The following KCNN3 variants were observed in gnomAD, a reference collection of about 807,000 sequenced individuals.
KCNN3 encodes the protein small conductance calcium-activated potassium channel protein 3.
In KCNN3, 16 loss-of-function variants were observed where a neutral mutation model predicts 62.9. That is an observed-to-expected ratio of 0.25 (90% confidence interval 0.17 to 0.39). KCNN3 has a LOEUF of 0.39. KCNN3 is among the 10% of genes least tolerant of loss of function. The pLI, the probability that KCNN3 is intolerant of heterozygous loss-of-function variation, is 1.00. For synonymous variants in KCNN3, 370 were observed against 389.2 expected (o/e 0.95, Z 0.58); for missense variants, 599 against 949.4 (o/e 0.63, Z 4.85).
chr1:154,795,927 GC>G (rs1408284811), intron 2 of KCNN3, among the ~76,000 whole-genome samples: 2 of 152,166 alleles, frequency 1.3e-5, no homozygotes, highest in South Asian at 2.1e-4. Context: ...GGCTCTATCT[GC>G]CCCCCTGGGG....
At chr1:154,795,651 T>G (rs539528956) in intron 2 of KCNN3, among the ~76,000 whole-genome samples, 146 of 152,078 alleles carry the variant, frequency 9.6e-4, no homozygotes, top group Non-Finnish European at 1.6e-3. Flanking sequence ...ATATAAGAGG[T>G]GCAGCAAGAG....
intron 7 of KCNN3, among the ~76,000 whole-genome samples, chr1:154,708,581 C>T (rs1213477876): frequency 6.6e-6 from 1 of 151,596 alleles, no homozygotes; most frequent in African/African-American, 2.4e-5. Flanking sequence ...CTCATGTTCT[C>T]ACAGGGCCAC....
chr1:154,868,276 CAGG>C (rs980522824), intron 1 of KCNN3: 137 of 985,586 alleles, frequency 1.4e-4, no homozygotes, highest in Non-Finnish European at 1.6e-4. Context: ...CCATTTTTAT[CAGG>C]AGATGTTTAC....
chr1:154,768,612 A>G (rs1648403416), intron 3 of KCNN3, among the ~76,000 whole-genome samples: 1 of 152,218 alleles, frequency 6.6e-6, no homozygotes. Flanking sequence ...GAACTCCCAC[A>G]CTGACAAATC....
At chr1:154,823,210 T>G (rs1392590053) in intron 1 of KCNN3, among the ~76,000 whole-genome samples, 1 of 152,192 alleles carries the variant, frequency 6.6e-6, no homozygotes, top group Admixed American at 6.5e-5. Context: ...ATTTCGAAGC[T>G]GGAAGTAGAG....
chr1:154,833,797 G>A (rs1651473620), intron 1 of KCNN3, among the ~76,000 whole-genome samples: 1 of 152,168 alleles, frequency 6.6e-6, no homozygotes, highest in Admixed American at 6.5e-5. Context: ...ATTCAGGTTT[G>A]GGGAGTGAAC....
chr1:154,806,504 C>T (rs549901382), intron 2 of KCNN3, among the ~76,000 whole-genome samples: 4 of 152,266 alleles, frequency 2.6e-5, no homozygotes, highest in South Asian at 2.1e-4. Flanking sequence ...GTGATTTGCC[C>T]GAGGTCACCC....
At chr1:154,713,368 G>A (rs963060850) in intron 7 of KCNN3, 96 bp downstream of exon 7, 10 of 961,838 alleles carry the variant, frequency 1.0e-5, no homozygotes, top group Admixed American at 5.1e-5. Flanking sequence ...CTGGTCCCGC[G>A]CTGTCCAGTG....
intron 2 of KCNN3, among the ~76,000 whole-genome samples, chr1:154,775,055 TCCTC>T (rs1266996084): frequency 2.0e-5 from 3 of 152,230 alleles, no homozygotes; most frequent in African/African-American, 7.2e-5. Flanking sequence ...AGCCTTCCTT[TCCTC>T]CCTTGCACAG....
intron 1 of KCNN3, 144 bp downstream of exon 1, chr1:154,868,888 C>T (rs540738967): frequency 3.7e-5 from 34 of 931,284 alleles, no homozygotes; most frequent in Middle Eastern, 2.3e-4. Context: ...CAGTCTCCCT[C>T]CCAATCTCTC....
chr1:154,843,983 G>C (rs369960652), intron 1 of KCNN3, among the ~76,000 whole-genome samples: 68 of 152,342 alleles, frequency 4.5e-4, no homozygotes, highest in African/African-American at 1.4e-3. Flanking sequence ...TAGGAGGGGG[G>C]GCTGCACAGC....
rs894736207 is a variant in KCNN3, at chr1:154,702,356, C to T, written c.*5620G>A. On this transcript the variant is annotated 3_prime_UTR_variant, in exon 8 of 8. Coordinates refer to ENST00000271915, the MANE Select transcript of KCNN3 (RefSeq NM_002249.6). ...TTCATATTTAAAATAAACTGTTATG[C>T]TTTCTCCTATCATTAAAAAATAGCA... is the stretch of plus-strand genomic sequence containing the variant. 2 of 151,602 alleles carry T rather than the reference C, an allele frequency of 1.3e-5. No homozygotes were observed. Among genetic ancestry groups the T allele is most frequent in the African/African-American group, 2.4e-5 (1 of 41,272 alleles). 9.4% of individuals were successfully genotyped at this position (151,602 alleles called of 1,614,324 possible). A position where few individuals can be genotyped will look rare whatever the true frequency, so the allele number is the denominator to read the frequency against.
intron 1 of KCNN3, among the ~76,000 whole-genome samples, chr1:154,848,289 A>T (rs551086513): frequency 6.6e-6 from 1 of 152,282 alleles, no homozygotes; most frequent in East Asian, 1.9e-4. Flanking sequence ...GATACCCAGG[A>T]TGGAGAAAGG....
chr1:154,760,633 C>T (rs1046931735), intron 3 of KCNN3, among the ~76,000 whole-genome samples: 2 of 152,192 alleles, frequency 1.3e-5, no homozygotes, highest in Admixed American at 1.3e-4. Context: ...TCCCGGGCCC[C>T]GGCCTCTCCA....
chr1:154,822,281 G>A, intron 1 of KCNN3, 97 bp from the exon 2 acceptor site: 1 of 901,840 alleles, frequency 1.1e-6, no homozygotes, highest in Admixed American at 1.9e-5. Flanking sequence ...TGGGGACACA[G>A]GAGGGACTGT....
chr1:154,798,289 C>T (rs1423490043), intron 2 of KCNN3, among the ~76,000 whole-genome samples: 1 of 152,178 alleles, frequency 6.6e-6, no homozygotes, highest in Non-Finnish European at 1.5e-5. Context: ...TGTACCAGGC[C>T]CTATGCCAGG....
chr1:154,736,987 C>T (rs1466217810), intron 3 of KCNN3: 2 of 700,454 alleles, frequency 2.9e-6, no homozygotes, highest in Admixed American at 4.0e-5. Flanking sequence ...GGACATGCAC[C>T]CTGCTCTCCA....
chr1:154,791,990 C>A (rs1649539125), intron 2 of KCNN3, among the ~76,000 whole-genome samples: 1 of 152,184 alleles, frequency 6.6e-6, no homozygotes, highest in Admixed American at 6.5e-5. Context: ...CAAAGGAAAC[C>A]ATGTAATTGC....
At chr1:154,818,917 C>G (rs1241983064) in intron 2 of KCNN3, among the ~76,000 whole-genome samples, 1 of 152,210 alleles carries the variant, frequency 6.6e-6, no homozygotes, top group Non-Finnish European at 1.5e-5. Context: ...TGGGTGTGAG[C>G]TTCTGGGGCA....
Sources: gnomAD v4.1 joint callset for allele counts (sites outside exome capture counted in the v4.1 genomes callset) on GRCh38, gnomAD v4.1.1 for gene constraint, MANE v1.5 for transcripts, NCBI Gene and HGNC (gene_info 2026-07-23, HGNC 2026-07-21) for gene names.